ADAMTS2: variants seen among roughly 807,000 people sequenced by gnomAD.
The protein encoded by ADAMTS2 is A disintegrin and metalloproteinase with thrombospondin motifs 2.
ADAMTS2 carries 50 observed loss-of-function variants against 123.0 expected under a neutral mutation model. That is an observed-to-expected ratio of 0.41 (90% CI 0.32 to 0.51). The LOEUF is 0.51. ADAMTS2 is among the 20% of genes least tolerant of loss of function. The pLI is 0.35. For missense variants in ADAMTS2, 1,494 were observed against 1,705.2 expected (o/e 0.88, Z 2.18); for synonymous variants, 678 against 695.4 (o/e 0.98, Z 0.39).
rs772414773 is a variant in ADAMTS2, at chr5:179,175,965, A to T, written c.975+5107T>A. On this transcript the variant is annotated intron_variant, in intron 5 of 21. Coordinates refer to ENST00000251582, the MANE Select transcript of ADAMTS2 (RefSeq NM_014244.5). This position sits in a 1 kb window ranked among gnomAD's most constrained non-coding sequence, Gnocchi z 4.1. ...CTGTACTGCTCGGACTCTCGGAGGT[A>T]CACCATGCACAGCTCCACAGGAAAG... Among the ~76,000 whole-genome samples, 9 of 152,056 alleles carry T rather than the reference A, an allele frequency of 5.9e-5. No individual in the cohort carries two copies. The highest frequency in any genetic ancestry group is 1.0e-4 in the Non-Finnish European group (7 of 68,016).
rs1244644602 is a variant in ADAMTS2 at position 179,118,955 on chromosome 5, G to C, written c.3178+2706C>G. On this transcript the variant is annotated intron_variant, in intron 21 of 21. Transcript: ENST00000251582. This position sits in a 1 kb window ranked among gnomAD's most constrained non-coding sequence, Gnocchi z 4.5. Reference sequence around the variant, plus strand: ...CATGCTTTGGAAAATGCTGGATGGAGAATACCTCATTCTCATTTCTCAGTA... The same window carrying C: ...CATGCTTTGGAAAATGCTGGATGGACAATACCTCATTCTCATTTCTCAGTA... Among the ~76,000 whole-genome samples, 1 of 152,212 alleles carries C rather than the reference G, an allele frequency of 6.6e-6. No homozygotes were observed. The highest frequency in any genetic ancestry group is 1.5e-5 in the Non-Finnish European group (1 of 68,034).
Position 179,158,446 on chromosome 5 carries a change from T to C in ADAMTS2, c.1132+277A>G, listed in dbSNP as rs1763528069. Among the ~76,000 whole-genome samples, 1 of 152,184 alleles carries C rather than the reference T, an allele frequency of 6.6e-6. No individual in the cohort carries two copies. Among genetic ancestry groups the C allele is most frequent in the Non-Finnish European group, 1.5e-5 (1 of 68,024 alleles). On this transcript the variant is annotated intron_variant, in intron 6 of 21. Coordinates refer to ENST00000251582, the MANE Select transcript of ADAMTS2 (RefSeq NM_014244.5). The surrounding 1 kb of genome is among the most constrained non-coding windows in gnomAD (Gnocchi z 5.0). ...TCTTTCCAAATTGGCCCCACACCAT[T>C]TGTTAGGCTGTTTTCCTCCTCTTCT...
chr5:179,325,377 G>A (rs1036419830), intron 2 of ADAMTS2, among the ~76,000 whole-genome samples: 1 of 152,192 alleles, frequency 6.6e-6, no homozygotes, highest in Admixed American at 6.5e-5. Flanking sequence ...AGAAACGGGG[G>A]CAGGGAGAAG....
At chr5:179,329,088 G>A (rs529149399) in intron 2 of ADAMTS2, among the ~76,000 whole-genome samples, 83 of 152,282 alleles carry the variant, frequency 5.5e-4, no homozygotes, top group Non-Finnish European at 9.1e-4. Context: ...AGCACTTTGG[G>A]AGGCCAAGGA....
rs1581142905 is a variant in ADAMTS2 at position 179,132,135 on chromosome 5, C to T, written c.2290+95G>A. 5.6e-6 allele frequency: 7 copies of T among 1,258,838 alleles called. No individual in the cohort carries two copies. The allele number at this position is 1,258,838 out of a possible 1,614,324, so 78.0% of individuals were successfully genotyped here. On this transcript the variant is annotated intron_variant, in intron 15 of 21. Coordinates refer to ENST00000251582, the MANE Select transcript of ADAMTS2 (RefSeq NM_014244.5). This position sits in a 1 kb window ranked among gnomAD's most constrained non-coding sequence, Gnocchi z 6.1. ...CCTGGCTCAGGTCATGGCTGCACAA[C>T]CCGGGCCCCTGACCCCTGACCCCTG...
At chr5:179,150,123 C>CTCCTGT (rs72521483) in intron 10 of ADAMTS2, among the ~76,000 whole-genome samples, 6,053 of 152,192 alleles carry the variant, frequency 0.04, 309 homozygotes, top group African/African-American at 0.12. Flanking sequence ...GCCCCACCAG[C>CTCCTGT]TCCTGCTCCT....
chr5:179,305,560 A>G (rs1756644332), intron 2 of ADAMTS2, among the ~76,000 whole-genome samples: 1 of 152,224 alleles, frequency 6.6e-6, no homozygotes, highest in African/African-American at 2.4e-5. Context: ...GTAAATTAAA[A>G]TTGAATACCA....
chr5:179,231,606 A>T (rs994856808), intron 3 of ADAMTS2, among the ~76,000 whole-genome samples: 1 of 152,224 alleles, frequency 6.6e-6, no homozygotes, highest in Admixed American at 6.5e-5. Flanking sequence ...GAGAATTCTG[A>T]TAATAGGACA....
intron 3 of ADAMTS2, among the ~76,000 whole-genome samples, chr5:179,261,850 C>T (rs1766232711): frequency 6.6e-6 from 1 of 152,156 alleles, no homozygotes; most frequent in Admixed American, 6.5e-5. Context: ...TGGACCGGTC[C>T]TGCTAGACAA....
At position 179,175,280 on chromosome 5, in the gene ADAMTS2, T is replaced by G. The variant is rs954647926; in HGVS notation, c.975+5792A>C. Among the ~76,000 whole-genome samples, 1 of 152,172 alleles carries G rather than the reference T, an allele frequency of 6.6e-6. No homozygotes were observed. Among genetic ancestry groups the G allele is most frequent in the Non-Finnish European group, 1.5e-5 (1 of 68,030 alleles). On this transcript the variant is annotated intron_variant, in intron 5 of 21. Coordinates refer to ENST00000251582, the MANE Select transcript of ADAMTS2 (RefSeq NM_014244.5). This position sits in a 1 kb window ranked among gnomAD's most constrained non-coding sequence, Gnocchi z 4.1. ...CGTTCATGTTCCTTTGGAGGATGTC[T>G]CTTCCTTGCTTGGGTTCCGCAGCTG...
chr5:179,127,876 G>T, intron 17 of ADAMTS2, 83 bp downstream of exon 17: 1 of 1,569,086 alleles, frequency 6.4e-7, no homozygotes, highest in Non-Finnish European at 8.7e-7. Context: ...CCCTGCTCAC[G>T]CTGGCCCCAC....
rs996605859 is a variant in ADAMTS2 at position 179,234,289 on chromosome 5, C to G, written c.689-26574G>C. Reference sequence around the variant, plus strand: ...TGAATTCACCCAGGTGGGCAGTCCTCAGGTGACTTCTCCAGCTCTGCATGG... The same window carrying G: ...TGAATTCACCCAGGTGGGCAGTCCTGAGGTGACTTCTCCAGCTCTGCATGG... On this transcript the variant is annotated intron_variant, in intron 3 of 21. Coordinates refer to ENST00000251582, the MANE Select transcript of ADAMTS2 (RefSeq NM_014244.5). This position sits in a 1 kb window ranked among gnomAD's most constrained non-coding sequence, Gnocchi z 4.7. 4.6e-5 allele frequency among the ~76,000 whole-genome samples: 7 copies of G among 152,150 alleles called. No homozygotes were observed. Among genetic ancestry groups the G allele is most frequent in the Middle Eastern group, 6.3e-3 (2 of 316 alleles).
chr5:179,145,113 T>G (rs2113232029), intron 10 of ADAMTS2, among the ~76,000 whole-genome samples: 1 of 152,242 alleles, frequency 6.6e-6, no homozygotes, highest in Admixed American at 6.5e-5. Context: ...AAAAAATATA[T>G]ACAAATTGCC....
intron 4 of ADAMTS2, among the ~76,000 whole-genome samples, chr5:179,201,914 C>G (rs1764576680): frequency 6.6e-6 from 1 of 152,202 alleles, no homozygotes; most frequent in Non-Finnish European, 1.5e-5. Context: ...CTGGACCCAG[C>G]AGGGGCTGCT....
chr5:179,172,741 AG>A (rs1411392838), intron 5 of ADAMTS2, among the ~76,000 whole-genome samples: 3 of 152,196 alleles, frequency 2.0e-5, no homozygotes, highest in Non-Finnish European at 1.5e-5. Flanking sequence ...TCAGAAATAA[AG>A]GACTGAGCGT....
At chr5:179,323,783 T>C (rs1321397817) in intron 2 of ADAMTS2, among the ~76,000 whole-genome samples, 3 of 152,260 alleles carry the variant, frequency 2.0e-5, no homozygotes, top group Non-Finnish European at 2.9e-5. Flanking sequence ...GGCTGTAAGA[T>C]GCACTCCTAG....
At chr5:179,239,865 G>C (rs552796422) in intron 3 of ADAMTS2, among the ~76,000 whole-genome samples, 6 of 152,262 alleles carry the variant, frequency 3.9e-5, no homozygotes, top group African/African-American at 9.6e-5. Context: ...GCCACACCAA[G>C]GGAGCAGGAG....
chr5:179,224,337 C>T (rs1765222509), intron 3 of ADAMTS2, among the ~76,000 whole-genome samples: 1 of 152,238 alleles, frequency 6.6e-6, no homozygotes, highest in Non-Finnish European at 1.5e-5. Flanking sequence ...GCAGGCCTCA[C>T]ACCACAGCAA....
chr5:179,147,996 C>T (rs1763283400), intron 10 of ADAMTS2, among the ~76,000 whole-genome samples: 1 of 152,160 alleles, frequency 6.6e-6, no homozygotes, highest in Non-Finnish European at 1.5e-5. Flanking sequence ...AGCAAGGGAC[C>T]CCAAAGCGTA....
Sources: allele counts gnomAD v4.1 joint callset (sites outside exome capture counted in the v4.1 genomes callset), GRCh38; gene constraint gnomAD v4.1.1; non-coding constraint Gnocchi (gnomAD v3.1); transcripts MANE v1.5; gene names NCBI Gene and HGNC (gene_info 2026-07-23, HGNC 2026-07-21).